Variants in CARMIL1 observed in about 807,000 individuals in gnomAD.
CARMIL1 encodes the protein capping protein regulator and myosin 1 linker 1.
A neutral mutation model predicts 177.1 loss-of-function variants in CARMIL1; 90 were observed. The ratio of observed to expected loss-of-function variants is 0.51; its 90% CI spans 0.43 to 0.61. The LOEUF (loss-of-function observed/expected upper bound fraction) is 0.61. Ranked by LOEUF, CARMIL1 falls within the 20% of genes least tolerant of loss-of-function variation. The pLI is 0.00. For missense variants in CARMIL1, 1,380 were observed against 1,667.0 expected (o/e 0.83, Z 3.00); for synonymous variants, 577 against 606.2 (o/e 0.95, Z 0.71).
intron 26 of CARMIL1, 97 bp downstream of exon 26, chr6:25,540,175 A>T: frequency 1.8e-6 from 2 of 1,137,350 alleles, no homozygotes; most frequent in Non-Finnish European, 2.4e-6. Flanking sequence ...ATAGACTTGT[A>T]TGTGTGCATG....
At chr6:25,393,563 A>AT (rs1421664530) in intron 2 of CARMIL1, 2 of 152,040 alleles carry the variant, frequency 1.3e-5, no homozygotes, top group Non-Finnish European at 2.9e-5. Flanking sequence ...TCTCAAAAAA[A>AT]AAAAAAAAAA....
At chr6:25,481,010 C>T (rs558976218) in intron 11 of CARMIL1, among the ~76,000 whole-genome samples, 1 of 151,928 alleles carries the variant, frequency 6.6e-6, no homozygotes, top group East Asian at 1.9e-4. Context: ...TATTTGTCCC[C>T]TTTTTTCCTC....
chr6:25,507,964 C>G (rs1805086922), intron 17 of CARMIL1, among the ~76,000 whole-genome samples: 1 of 151,946 alleles, frequency 6.6e-6, no homozygotes, highest in South Asian at 2.1e-4. Context: ...TAAACCAATA[C>G]ATTTATAAAA....
chr6:25,460,154 G>A (rs570023726), intron 8 of CARMIL1, among the ~76,000 whole-genome samples: 1 of 152,220 alleles, frequency 6.6e-6, no homozygotes, highest in Non-Finnish European at 1.5e-5. Context: ...GGAAAATCAG[G>A]TAGTCCTTTG....
chr6:25,295,457 T>C (rs114924494), intron 2 of CARMIL1, among the ~76,000 whole-genome samples: 3 of 152,336 alleles, frequency 2.0e-5, no homozygotes, highest in Non-Finnish European at 4.4e-5. Context: ...CTTGGATAAA[T>C]TCGTGGAAGT....
chr6:25,576,212 G>T (rs1169012912), intron 29 of CARMIL1, among the ~76,000 whole-genome samples: 3 of 151,884 alleles, frequency 2.0e-5, no homozygotes, highest in Non-Finnish European at 4.4e-5. Flanking sequence ...GGAATTTTAA[G>T]AATTATTTAG....
intron 31 of CARMIL1, among the ~76,000 whole-genome samples, chr6:25,586,468 A>G (rs976396185): frequency 1.4e-5 from 2 of 142,642 alleles, no homozygotes; most frequent in Non-Finnish European, 3.0e-5. Flanking sequence ...CTCACTTCCC[A>G]GACTGGGCGG....
At chr6:25,486,760 A>T (rs1050953379) in intron 12 of CARMIL1, among the ~76,000 whole-genome samples, 1 of 152,098 alleles carries the variant, frequency 6.6e-6, no homozygotes, top group Non-Finnish European at 1.5e-5. Flanking sequence ...GGTAGTGATT[A>T]TTCAGCTGTC....
At chr6:25,426,360 T>C (rs1796274002) in intron 3 of CARMIL1, 141 bp from the exon 4 acceptor site, 1 of 534,366 alleles carries the variant, frequency 1.9e-6, no homozygotes, top group Admixed American at 3.5e-5. Flanking sequence ...CCAGCCCGCC[T>C]TCAGAAGATG....
intron 1 of CARMIL1, among the ~76,000 whole-genome samples, chr6:25,283,344 A>C (rs1781284848): frequency 6.6e-6 from 1 of 152,164 alleles, no homozygotes; most frequent in South Asian, 2.1e-4. Flanking sequence ...GTTAGAGGCC[A>C]TGGACTTAGT....
chr6:25,539,974 G>T lies in CARMIL1; in HGVS notation c.2224G>T (p.Gly742Cys), dbSNP rs775350447. The change falls in exon 26 of 37, where the codon GGT (glycine) becomes TGT (cysteine). Residue 742 changes from glycine to cysteine, a missense_variant. Coordinates refer to ENST00000329474, the MANE Select transcript of CARMIL1 (RefSeq NM_017640.6). The part of the protein sequence containing the change: ...TLLPNLYHVG[G>C]ASWAGASGLL... Reference sequence around the variant, plus strand: ...GTTACCAAATTTATACCATGTTGGTGGTGCATCTTGGGCGGGAGCCAGTGG... The same window carrying T: ...GTTACCAAATTTATACCATGTTGGTTGTGCATCTTGGGCGGGAGCCAGTGG... 103 of 1,598,272 alleles carry T rather than the reference G, an allele frequency of 6.4e-5. No homozygotes were observed. The highest frequency in any genetic ancestry group is 8.7e-5 in the Non-Finnish European group (102 of 1,173,798).
chr6:25,337,913 C>T (rs975054822), intron 2 of CARMIL1, among the ~76,000 whole-genome samples: 1 of 152,146 alleles, frequency 6.6e-6, no homozygotes, highest in African/African-American at 2.4e-5. Flanking sequence ...ATGGTGGGCT[C>T]ACTCCTGTAA....
At chr6:25,552,041 T>TTTTG (rs112076265) in intron 27 of CARMIL1, among the ~76,000 whole-genome samples, 10 of 151,976 alleles carry the variant, frequency 6.6e-5, no homozygotes, top group East Asian at 1.9e-4. Flanking sequence ...CTCAGGTCTT[T>TTTTG]TTTGTTTGTT....
intron 29 of CARMIL1, among the ~76,000 whole-genome samples, chr6:25,559,326 TG>T (rs2151187853): frequency 6.6e-6 from 1 of 152,244 alleles, no homozygotes; most frequent in East Asian, 1.9e-4. Context: ...ACGATGCCAT[TG>T]GGGGAAAAAA....
intron 28 of CARMIL1, among the ~76,000 whole-genome samples, chr6:25,556,131 T>G (rs528629176): frequency 3.7e-4 from 57 of 152,340 alleles, no homozygotes; most frequent in African/African-American, 1.3e-3. Flanking sequence ...TTTTCATTGT[T>G]TCAGAAGAAT....
intron 24 of CARMIL1, among the ~76,000 whole-genome samples, chr6:25,532,333 C>G (rs1347290134): frequency 6.6e-6 from 1 of 151,998 alleles, no homozygotes; most frequent in Non-Finnish European, 1.5e-5. Context: ...CTTAAAAGTA[C>G]GTTTCATCTA....
intron 23 of CARMIL1, among the ~76,000 whole-genome samples, chr6:25,521,769 CAAAA>C (rs34016230): frequency 2.1e-5 from 2 of 94,036 alleles, no homozygotes; most frequent in African/African-American, 3.7e-5. Flanking sequence ...GATTCCATCT[CAAAA>C]AAAAAAAAAA....
At chr6:25,360,373 G>A (rs1294668601) in intron 2 of CARMIL1, among the ~76,000 whole-genome samples, 1 of 152,222 alleles carries the variant, frequency 6.6e-6, no homozygotes, top group African/African-American at 2.4e-5. Flanking sequence ...AATCTAAAAA[G>A]ATAACCAGGC....
intron 17 of CARMIL1, among the ~76,000 whole-genome samples, chr6:25,505,537 G>A (rs112510056): frequency 0.13 from 19,695 of 152,058 alleles, 1,681 homozygotes; most frequent in South Asian, 0.18. Flanking sequence ...ACTGCAACCT[G>A]CACCTCCGGG....
Sources: allele counts gnomAD v4.1 joint callset (sites outside exome capture counted in the v4.1 genomes callset), GRCh38; gene constraint gnomAD v4.1.1; transcripts MANE v1.5; gene names NCBI Gene and HGNC (gene_info 2026-07-23, HGNC 2026-07-21).